Variants in GRIN2A observed in about 807,000 individuals in gnomAD.
GRIN2A encodes glutamate receptor ionotropic, NMDA 2A.
In GRIN2A, 22 loss-of-function variants were observed where a neutral mutation model predicts 113.4. That is an observed-to-expected ratio of 0.19 (90% CI 0.14 to 0.28). The LOEUF (loss-of-function observed/expected upper bound fraction) is 0.28. Ranked by LOEUF, GRIN2A falls within the 10% of genes least tolerant of loss-of-function variation. The pLI is 1.00. For missense variants in GRIN2A, 1,502 were observed against 1,887.0 expected (o/e 0.80, Z 3.78); for synonymous variants, 827 against 738.4 (o/e 1.12, Z -1.94).
At chr16:10,061,997 C>G (rs905487868) in intron 2 of GRIN2A, among the ~76,000 whole-genome samples, 2 of 152,112 alleles carry the variant, frequency 1.3e-5, no homozygotes, top group African/African-American at 4.8e-5. Context: ...ATTTTTGAAA[C>G]CATTTGCTCA....
intron 12 of GRIN2A, among the ~76,000 whole-genome samples, chr16:9,766,222 G>A (rs1329449682): frequency 2.6e-5 from 4 of 152,158 alleles, no homozygotes; most frequent in African/African-American, 9.7e-5. Flanking sequence ...GCTGACTTTG[G>A]CATAAACTAC....
At chr16:10,172,519 G>GAGTGAAGTGA (rs750066465) in intron 2 of GRIN2A, among the ~76,000 whole-genome samples, 1 of 152,210 alleles carries the variant, frequency 6.6e-6, no homozygotes, top group African/African-American at 2.4e-5. Flanking sequence ...TAACATAAAT[G>GAGTGAAGTGA]AGTGAAGTGA....
At chr16:10,135,663 G>T (rs2049177567) in intron 2 of GRIN2A, among the ~76,000 whole-genome samples, 1 of 152,144 alleles carries the variant, frequency 6.6e-6, no homozygotes, top group East Asian at 1.9e-4. Flanking sequence ...CATGATTGTG[G>T]GGAATGGGTA....
chr16:9,762,729 T>G lies in GRIN2A; in HGVS notation c.*420A>C, dbSNP rs1235716901. On this transcript the variant is annotated 3_prime_UTR_variant, in exon 13 of 13. Transcript: ENST00000330684. ...TGTCAGGTTTACATGCACACCATATTGCTTATTCTGTATTAGAGAAACCAT... is the reference window on the plus strand; with the variant it reads ...TGTCAGGTTTACATGCACACCATATGGCTTATTCTGTATTAGAGAAACCAT... The G allele has an allele frequency of 3.0e-6, 1 of 333,964 alleles. No homozygotes were observed. Among genetic ancestry groups the G allele is most frequent in the African/African-American group, 2.1e-5 (1 of 48,530 alleles). 20.7% of individuals were successfully genotyped at this position (333,964 alleles called of 1,614,324 possible).
intron 3 of GRIN2A, among the ~76,000 whole-genome samples, chr16:9,934,853 T>C (rs1481922742): frequency 6.6e-6 from 1 of 151,842 alleles, no homozygotes; most frequent in Non-Finnish European, 1.5e-5. Flanking sequence ...AGAGACTGCT[T>C]GTGCCTTATC....
At chr16:9,774,469 G>C (rs1901478250) in intron 11 of GRIN2A, among the ~76,000 whole-genome samples, 1 of 152,140 alleles carries the variant, frequency 6.6e-6, no homozygotes, top group African/African-American at 2.4e-5. Flanking sequence ...CCGGCTCTTT[G>C]ATCATGGTCC....
At chr16:9,839,940 C>G (rs1482282359) in intron 7 of GRIN2A, among the ~76,000 whole-genome samples, 1 of 152,032 alleles carries the variant, frequency 6.6e-6, no homozygotes, top group Non-Finnish European at 1.5e-5. Context: ...GTCTGGCCAA[C>G]ATGGCGAAAC....
At position 9,764,611 on chromosome 16, in the gene GRIN2A, T is replaced by A. The variant is rs948782419; in HGVS notation, c.2933A>T (p.Tyr978Phe). 1 of 1,614,094 alleles carries A rather than the reference T, an allele frequency of 6.2e-7. No individual in the cohort carries two copies. Among genetic ancestry groups the A allele is most frequent in the Non-Finnish European group, 8.5e-7 (1 of 1,179,998 alleles). ...ANRQKDNLNN[Y>F]VFQGQHPLTL... is the part of the protein sequence containing the mutation. ...AAGAGGATGTTGTCCCTGGAATACA[T>A]AGTTATTGAGGTTATCCTTCTGCCG... The change falls in exon 13 of 13, where the codon TAT (tyrosine) becomes TTT (phenylalanine). Residue 978 changes from tyrosine to phenylalanine, a missense_variant. Transcript: ENST00000330684.
intron 7 of GRIN2A, 89 bp from the exon 8 acceptor site, chr16:9,834,319 C>T (rs998413664): frequency 1.7e-5 from 21 of 1,217,666 alleles, no homozygotes; most frequent in African/African-American, 1.2e-4. Flanking sequence ...TTTGCAGGCT[C>T]GCCAAAAATA....
At chr16:9,935,417 G>A (rs531037491) in intron 3 of GRIN2A, among the ~76,000 whole-genome samples, 110 of 152,186 alleles carry the variant, frequency 7.2e-4, no homozygotes, top group African/African-American at 2.5e-3. Context: ...TAAAAGGACA[G>A]AGGACGGAGA....
In GRIN2A at chr16:9,798,385, T is replaced by C. The variant is rs765039129; in HGVS notation, c.2248A>G (p.Ile750Val). 1.9e-6 allele frequency: 3 copies of C among 1,614,110 alleles called. No individual in the cohort carries two copies. Among genetic ancestry groups the C allele is most frequent in the South Asian group, 1.1e-5 (1 of 91,088 alleles). ...GRDEGCKLVT[I>V]GSGYIFATTG... The stretch of plus-strand genomic sequence containing the variant: ...GTGGCAAAGATGTACCCACTCCCGA[T>C]GGTCACCAGCTTGCAGCCTTCATCC... The change falls in exon 11 of 13, where the codon ATC becomes GTC. Residue 750 changes from isoleucine to valine, a missense_variant. By Grantham distance (29) the Ile-to-Val change is conservative (BLOSUM62 3). This residue lies in a region of GRIN2A where 101 missense variants were observed against 240.4 expected (regional missense o/e 0.42). Transcript: ENST00000330684.
chr16:9,909,000 T>G (rs2044081713), intron 3 of GRIN2A, among the ~76,000 whole-genome samples: 1 of 151,822 alleles, frequency 6.6e-6, no homozygotes, highest in Non-Finnish European at 1.5e-5. Context: ...AGACAGGGAG[T>G]GTTATTAGTC....
In GRIN2A at chr16:10,159,537, G is replaced by T. The variant is rs147349358; in HGVS notation, c.414+20461C>A. Among the ~76,000 whole-genome samples the T allele has an allele frequency of 2.6e-5, 4 of 152,160 alleles. No individual in the cohort carries two copies. The East Asian group carries it at 7.7e-4, about 29-fold the overall frequency. ...ACAGAGGTGTAGGTCCCCCAAGCAT[G>T]CAAAAGGCAGATCATCATCAATGAG... On this transcript the variant is annotated intron_variant, in intron 2 of 12. Coordinates refer to ENST00000330684, the MANE Select transcript of GRIN2A (RefSeq NM_001134407.3).
At chr16:10,072,946 C>CCCTTTT (rs565877354) in intron 2 of GRIN2A, among the ~76,000 whole-genome samples, 1 of 104,228 alleles carries the variant, frequency 9.6e-6, no homozygotes, top group African/African-American at 3.7e-5. Context: ...ACAAGACCCC[C>CCCTTTT]TTTTTTTTTT....
At chr16:10,110,870 C>A (rs1049373601) in intron 2 of GRIN2A, among the ~76,000 whole-genome samples, 1 of 152,212 alleles carries the variant, frequency 6.6e-6, no homozygotes, top group Non-Finnish European at 1.5e-5. Flanking sequence ...GAGGGCCGCC[C>A]TCTGAATACA....
chr16:10,067,713 G>A (rs2047675821), intron 2 of GRIN2A, among the ~76,000 whole-genome samples: 1 of 152,138 alleles, frequency 6.6e-6, no homozygotes, highest in Non-Finnish European at 1.5e-5. Flanking sequence ...CTAAGCCAGT[G>A]GTTCTATACT....
chr16:9,976,741 G>A lies in GRIN2A; in HGVS notation c.415-38190C>T, dbSNP rs142746045. Among the ~76,000 whole-genome samples, 5 of 152,106 alleles carry A rather than the reference G, an allele frequency of 3.3e-5. No individual in the cohort carries two copies. In the Middle Eastern group the frequency reaches 0.01, roughly 310 times the overall value. ...ACAGGCGCACAGCTCCCACCTTTAG[G>A]AGCCTCACAAATGATGCATGTCCTC... On this transcript the variant is annotated intron_variant, in intron 2 of 12. Coordinates refer to ENST00000330684, the MANE Select transcript of GRIN2A (RefSeq NM_001134407.3).
intron 2 of GRIN2A, chr16:9,943,254 T>A (rs2044932705): frequency 6.6e-6 from 1 of 152,198 alleles, no homozygotes; most frequent in Non-Finnish European, 1.5e-5. Flanking sequence ...TACACCCACT[T>A]TGGTTCTGAA....
At chr16:9,863,232 G>C (rs150621713) in intron 4 of GRIN2A, among the ~76,000 whole-genome samples, 1 of 152,298 alleles carries the variant, frequency 6.6e-6, no homozygotes, top group African/African-American at 2.4e-5. Flanking sequence ...CAGTTGGGAA[G>C]ACAGTATTAA....
Sources: gnomAD v4.1 joint callset for allele counts (sites outside exome capture counted in the v4.1 genomes callset) on GRCh38, gnomAD v4.1.1 for gene constraint, gnomAD v4.1.1 regional missense constraint, MANE v1.5 for transcripts, NCBI Gene and HGNC (gene_info 2026-07-23, HGNC 2026-07-21) for gene names.